The following KCNQ3 variants were observed in gnomAD, a reference collection of about 807,000 sequenced individuals.
The protein encoded by KCNQ3 is potassium voltage-gated channel subfamily KQT member 3.
In KCNQ3, 30 loss-of-function variants were observed where a neutral mutation model predicts 92.5. The ratio of observed to expected loss-of-function variants is 0.32; its 90% CI spans 0.24 to 0.44. KCNQ3 has a LOEUF of 0.44. KCNQ3 is among the 20% of genes least tolerant of loss of function. The pLI is 1.00. For missense variants in KCNQ3, 913 were observed against 1,140.3 expected, an observed-to-expected ratio of 0.80 and a Z score of 2.87; for synonymous variants, 450 against 468.8, an observed-to-expected ratio of 0.96 and a Z score of 0.52.
chr8:132,189,372 G>A (rs879505749), intron 1 of KCNQ3, among the ~76,000 whole-genome samples: 3 of 152,076 alleles, frequency 2.0e-5, no homozygotes, highest in Non-Finnish European at 2.9e-5. Flanking sequence ...AATTGTTTGC[G>A]CACATCATGT....
At chr8:132,310,133 G>T (rs372522010) in intron 1 of KCNQ3, among the ~76,000 whole-genome samples, 1 of 152,234 alleles carries the variant, frequency 6.6e-6, no homozygotes, top group Non-Finnish European at 1.5e-5. Context: ...ATATATCTCC[G>T]TGTACCCCAT....
intron 1 of KCNQ3, among the ~76,000 whole-genome samples, chr8:132,423,128 C>T (rs1327193037): frequency 6.6e-6 from 1 of 152,104 alleles, no homozygotes; most frequent in African/African-American, 2.4e-5. Flanking sequence ...CATGTAATTA[C>T]CACCCCCCAC....
rs572598148 is a variant in KCNQ3, at chr8:132,139,699, T to C, written c.1568+377A>G. On this transcript the variant is annotated intron_variant, in intron 11 of 14. Transcript: ENST00000388996. The stretch of plus-strand genomic sequence containing the variant: ...ATTAAAACAAACTATATGGATGAAG[T>C]TAGGCAGAAGAAAAACCATTTTGAG... Among the ~76,000 whole-genome samples the C allele has an allele frequency of 3.1e-3, 478 of 152,286 alleles. 2 individuals are homozygous for C. Among genetic ancestry groups the C allele is most frequent in the African/African-American group, 0.011 (461 of 41,552 alleles).
At chr8:132,343,305 T>C (rs1309988353) in intron 1 of KCNQ3, among the ~76,000 whole-genome samples, 4 of 152,208 alleles carry the variant, frequency 2.6e-5, no homozygotes, top group African/African-American at 9.7e-5. Flanking sequence ...AGACACATCT[T>C]TGTTTATACC....
At chr8:132,266,235 T>C (rs1487100522) in intron 1 of KCNQ3, among the ~76,000 whole-genome samples, 1 of 152,210 alleles carries the variant, frequency 6.6e-6, no homozygotes, top group Non-Finnish European at 1.5e-5. Context: ...GGATATGTTA[T>C]TTGCAGAGGC....
intron 3 of KCNQ3, among the ~76,000 whole-genome samples, chr8:132,183,783 T>C (rs117989122): frequency 1.4e-3 from 217 of 152,322 alleles, no homozygotes; most frequent in Non-Finnish European, 2.2e-3. Context: ...ATCCTCTGTT[T>C]CTATTTCTGT....
At chr8:132,424,646 A>G (rs1821060390) in intron 1 of KCNQ3, among the ~76,000 whole-genome samples, 1 of 152,202 alleles carries the variant, frequency 6.6e-6, no homozygotes, top group African/African-American at 2.4e-5. Context: ...AAACCACAGG[A>G]ACTTATGTGT....
At chr8:132,451,094 G>A (rs932814885) in intron 1 of KCNQ3, among the ~76,000 whole-genome samples, 12 of 152,154 alleles carry the variant, frequency 7.9e-5, no homozygotes, top group Admixed American at 2.6e-4. Context: ...GGAGGGACCC[G>A]GTGGGAGGTA....
rs150778628 is a variant in KCNQ3 at position 132,345,923 on chromosome 8, G to GTGATGA, written c.386+134218_386+134223dup. ...ATGATGATGACTTAATGGTAATAAC[G>GTGATGA]TGATGATGATGATGATGATGATGGT... On this transcript the variant is annotated intron_variant, in intron 1 of 14. Coordinates refer to ENST00000388996, the MANE Select transcript of KCNQ3 (RefSeq NM_004519.4). Among the ~76,000 whole-genome samples, 571 of 151,604 alleles carry GTGATGA rather than the reference G, an allele frequency of 3.8e-3. 6 individuals are homozygous for GTGATGA. The highest frequency in any genetic ancestry group is 0.012 in the South Asian group (58 of 4,772).
At chr8:132,307,522 C>T (rs951712048) in intron 1 of KCNQ3, among the ~76,000 whole-genome samples, 2 of 152,196 alleles carry the variant, frequency 1.3e-5, no homozygotes, top group Non-Finnish European at 2.9e-5. Context: ...TTTCTCTTGG[C>T]TTTATCATTT....
At chr8:132,369,696 C>T (rs1381963492) in intron 1 of KCNQ3, among the ~76,000 whole-genome samples, 1 of 152,074 alleles carries the variant, frequency 6.6e-6, no homozygotes, top group Non-Finnish European at 1.5e-5. Context: ...TTCAGTTACT[C>T]GTCCATGAGC....
chr8:132,340,712 C>A (rs1209319042), intron 1 of KCNQ3, among the ~76,000 whole-genome samples: 2 of 152,128 alleles, frequency 1.3e-5, no homozygotes, highest in Non-Finnish European at 2.9e-5. Context: ...GTACAGAAAA[C>A]CACCATGACG....
chr8:132,409,958 T>C (rs1820605810), intron 1 of KCNQ3, among the ~76,000 whole-genome samples: 1 of 152,190 alleles, frequency 6.6e-6, no homozygotes. Context: ...GCCTGTCAAA[T>C]CTTATTTTTT....
chr8:132,240,182 C>CTTTTTTTTTTTTTTTTTTTTTTTTT (rs11342824), intron 1 of KCNQ3, among the ~76,000 whole-genome samples: 1 of 111,908 alleles, frequency 8.9e-6, no homozygotes, highest in African/African-American at 3.4e-5. Context: ...TGCCATGATT[C>CTTTTTTTTTTTTTTTTTTTTTTTTT]TTTTTTTTTT....
At position 132,128,507 on chromosome 8, in the gene KCNQ3, ATGTGTGTG is replaced by A. The variant is rs35230760; in HGVS notation, c.*747_*754del. 1.6e-3 allele frequency: 227 copies of A among 145,226 alleles called. No individual in the cohort carries two copies. Among genetic ancestry groups the A allele is most frequent in the African/African-American group, 3.7e-3 (143 of 39,020 alleles). 9.0% of individuals were successfully genotyped at this position (145,226 alleles called of 1,614,324 possible). A position where few individuals can be genotyped will look rare whatever the true frequency, so the allele number is the denominator to read the frequency against. ...ATTGGAAACTATTTTAACTTTGTGT[ATGTGTGTG>A]TGTGTGTGTGTGTGTGTGTGTGTGT... On this transcript the variant is annotated 3_prime_UTR_variant, in exon 15 of 15. Transcript: ENST00000388996.
chr8:132,428,552 CAGAG>C (rs201318711), intron 1 of KCNQ3, among the ~76,000 whole-genome samples: 1 of 151,334 alleles, frequency 6.6e-6, no homozygotes, highest in African/African-American at 2.4e-5. Flanking sequence ...CACACACATA[CAGAG>C]AGAGAGAGAG....
intron 11 of KCNQ3, among the ~76,000 whole-genome samples, chr8:132,139,451 C>T (rs537866735): frequency 3.3e-4 from 50 of 152,264 alleles, no homozygotes; most frequent in South Asian, 3.1e-3. Flanking sequence ...GGGAATCTTG[C>T]GGAAAATACC....
At chr8:132,289,010 G>A (rs1213870079) in intron 1 of KCNQ3, among the ~76,000 whole-genome samples, 1 of 152,196 alleles carries the variant, frequency 6.6e-6, no homozygotes, top group East Asian at 1.9e-4. Context: ...GCAGAACTAT[G>A]GTTGGTGTTC....
chr8:132,233,137 A>T (rs1011033247), intron 1 of KCNQ3, among the ~76,000 whole-genome samples: 2 of 152,128 alleles, frequency 1.3e-5, no homozygotes, highest in Non-Finnish European at 2.9e-5. Context: ...ACCAATAGTA[A>T]CCCTTCCTAA....
Sources: allele counts gnomAD v4.1 joint callset (sites outside exome capture counted in the v4.1 genomes callset), GRCh38; gene constraint gnomAD v4.1.1; transcripts MANE v1.5; gene names NCBI Gene and HGNC (gene_info 2026-07-23, HGNC 2026-07-21).